The following TTC28 variants were observed in gnomAD, a reference collection of about 807,000 sequenced individuals.
The protein encoded by TTC28 is tetratricopeptide repeat protein 28.
A neutral mutation model predicts 198.0 loss-of-function variants in TTC28; 61 were observed. That is an observed-to-expected ratio of 0.31 (90% CI 0.25 to 0.38). The LOEUF (loss-of-function observed/expected upper bound fraction) is 0.38. TTC28 is among the 10% of genes least tolerant of loss of function. The pLI, the probability that TTC28 is intolerant of heterozygous loss-of-function variation, is 1.00. For synonymous variants in TTC28, 1,171 were observed against 1,297.8 expected (o/e 0.90, Z 2.10); for missense variants, 2,678 against 3,164.0 (o/e 0.85, Z 3.69).
intron 2 of TTC28, among the ~76,000 whole-genome samples, chr22:28,420,451 T>C (rs1327392333): frequency 6.6e-6 from 1 of 151,768 alleles, no homozygotes; most frequent in Non-Finnish European, 1.5e-5. Context: ...AAAAACACAC[T>C]TAAAGAGAGA....
At chr22:28,090,284 T>C (rs1224272709) in intron 12 of TTC28, among the ~76,000 whole-genome samples, 3 of 152,126 alleles carry the variant, frequency 2.0e-5, no homozygotes, top group Non-Finnish European at 4.4e-5. Context: ...ACCCATATTT[T>C]ATATAATTAC....
At chr22:28,390,087 C>A (rs895437494) in intron 2 of TTC28, among the ~76,000 whole-genome samples, 2 of 151,812 alleles carry the variant, frequency 1.3e-5, no homozygotes, top group Non-Finnish European at 2.9e-5. Context: ...TTTCTGCCTT[C>A]ATTTCGTTAT....
chr22:28,522,796 AT>A (rs1440800185), intron 2 of TTC28, among the ~76,000 whole-genome samples: 2 of 152,208 alleles, frequency 1.3e-5, no homozygotes, highest in Admixed American at 1.3e-4. Flanking sequence ...GTATGATTAT[AT>A]TTATGTAAAA....
At chr22:28,536,198 CAAAAAAAAA>C (rs59506221) in intron 2 of TTC28, among the ~76,000 whole-genome samples, 1 of 64,406 alleles carries the variant, frequency 1.6e-5, no homozygotes, top group Non-Finnish European at 2.9e-5. Context: ...GACACCGTCT[CAAAAAAAAA>C]AAAAAAAAAA....
At chr22:28,399,675 T>C (rs971335865) in intron 2 of TTC28, among the ~76,000 whole-genome samples, 1 of 152,182 alleles carries the variant, frequency 6.6e-6, no homozygotes, top group Non-Finnish European at 1.5e-5. Flanking sequence ...AACTGATAAA[T>C]TTATCTTAAA....
intron 5 of TTC28, among the ~76,000 whole-genome samples, chr22:28,193,108 A>C (rs912985417): frequency 6.6e-6 from 1 of 152,252 alleles, no homozygotes; most frequent in Admixed American, 6.5e-5. Flanking sequence ...AAACTCTACA[A>C]GCCAGAAAAG....
chr22:28,395,034 T>C (rs1384575849), intron 2 of TTC28, among the ~76,000 whole-genome samples: 1 of 152,148 alleles, frequency 6.6e-6, no homozygotes, highest in Non-Finnish European at 1.5e-5. Flanking sequence ...AAAGCCTCCA[T>C]ACTTTTATCT....
chr22:28,341,795 AAAAAT>A (rs1158671135), intron 2 of TTC28, among the ~76,000 whole-genome samples: 2 of 152,070 alleles, frequency 1.3e-5, no homozygotes, highest in African/African-American at 4.8e-5. Context: ...CTCCATCTCA[AAAAAT>A]AAAATAAAAT....
In TTC28 at chr22:28,005,612, G is replaced by A. The variant is rs983614280; in HGVS notation, c.4219-4059C>T. The stretch of plus-strand genomic sequence containing the variant: ...GTGGTGGGTGAGGACATCCAGAGGG[G>A]CCTGCCCAGCCACGGGCCCAGAGCG... On this transcript the variant is annotated intron_variant, in intron 14 of 22. Coordinates refer to ENST00000397906, the MANE Select transcript of TTC28 (RefSeq NM_001145418.2). The surrounding 1 kb of genome is among the most constrained non-coding windows in gnomAD (Gnocchi z 4.9). Among the ~76,000 whole-genome samples the A allele has an allele frequency of 1.3e-5, 2 of 152,174 alleles. No homozygotes were observed. The highest frequency in any genetic ancestry group is 1.3e-4 in the Admixed American group (2 of 15,278).
intron 5 of TTC28, among the ~76,000 whole-genome samples, chr22:28,202,071 G>A (rs950421335): frequency 6.6e-6 from 1 of 152,082 alleles, no homozygotes; most frequent in Non-Finnish European, 1.5e-5. Context: ...AAGCAGCAGA[G>A]GCTCAGAGAG....
intron 2 of TTC28, among the ~76,000 whole-genome samples, chr22:28,453,586 C>T (rs955669647): frequency 5.3e-5 from 8 of 152,174 alleles, no homozygotes; most frequent in African/African-American, 1.4e-4. Context: ...GCAGCTCAGG[C>T]CAAAAACTTT....
In TTC28 at chr22:28,108,250, T is replaced by C; in HGVS notation, c.1595A>G (p.Gln532Arg). 6.4e-7 allele frequency: 1 copy of C among 1,550,810 alleles called. No individual in the cohort carries two copies. The highest frequency in any genetic ancestry group is 8.7e-7 in the Non-Finnish European group (1 of 1,146,256). ...NAYNALGMYD[Q>R]AVKYHRQELQ... ...CTCCTGCCGATGGTATTTGACCGCC[T>C]GGTCGTACATGCCCAGGGCATTGTA... Residue 532 changes from glutamine (Q) to arginine (R), a missense_variant, in exon 7 of 23, where the codon CAG becomes CGG. Gln to Arg is a conservative substitution (Grantham distance 43, BLOSUM62 1). Around this residue, in one of 8 missense-constraint regions of TTC28, gnomAD observed 775 missense variants for 845.9 expected, o/e 0.92. Transcript: ENST00000397906.
At chr22:28,229,252 A>G (rs1928614509) in intron 5 of TTC28, among the ~76,000 whole-genome samples, 1 of 152,248 alleles carries the variant, frequency 6.6e-6, no homozygotes, top group South Asian at 2.1e-4. Context: ...TCTGGGTAGA[A>G]TATCTACTGT....
At chr22:28,478,551 A>C (rs1419895330) in intron 2 of TTC28, among the ~76,000 whole-genome samples, 1 of 142,880 alleles carries the variant, frequency 7.0e-6, no homozygotes, top group Non-Finnish European at 1.5e-5. Context: ...TTAGACATGC[A>C]TGTTGAAATA....
chr22:28,663,515 CG>C (rs1218820151), intron 1 of TTC28, among the ~76,000 whole-genome samples: 2 of 138,988 alleles, frequency 1.4e-5, no homozygotes, highest in African/African-American at 5.4e-5. Context: ...GTTCCCTTTC[CG>C]AGTCAAAGAA....
chr22:28,099,286 C>T (rs1555914805), intron 9 of TTC28, among the ~76,000 whole-genome samples: 2 of 152,224 alleles, frequency 1.3e-5, no homozygotes, highest in Non-Finnish European at 2.9e-5. Flanking sequence ...CACAACTCCA[C>T]TCATCATGTA....
chr22:28,097,002 G>C (rs12166164), intron 10 of TTC28, among the ~76,000 whole-genome samples: 1 of 151,826 alleles, frequency 6.6e-6, no homozygotes, highest in Non-Finnish European at 1.5e-5. Context: ...ACGGGGTTTC[G>C]CCATGTTGGC....
At chr22:28,415,607 A>C (rs747526471) in intron 2 of TTC28, among the ~76,000 whole-genome samples, 3 of 152,246 alleles carry the variant, frequency 2.0e-5, no homozygotes, top group Non-Finnish European at 4.4e-5. Context: ...CTTGAGATGT[A>C]CACAACAGTC....
At chr22:28,437,387 T>G (rs1203921931) in intron 2 of TTC28, among the ~76,000 whole-genome samples, 1 of 152,150 alleles carries the variant, frequency 6.6e-6, no homozygotes, top group East Asian at 1.9e-4. Flanking sequence ...CCAGCTCTTA[T>G]TCTTTTAGAA....
Sources: gnomAD v4.1 joint callset for allele counts (sites outside exome capture counted in the v4.1 genomes callset) on GRCh38, gnomAD v4.1.1 for gene constraint, gnomAD v4.1.1 regional missense constraint, Gnocchi (gnomAD v3.1) non-coding constraint, MANE v1.5 for transcripts, NCBI Gene and HGNC (gene_info 2026-07-23, HGNC 2026-07-21) for gene names.